The following CACNA2D3 variants were observed in gnomAD, a reference collection of about 807,000 sequenced individuals.
CACNA2D3 encodes the protein calcium voltage-gated channel auxiliary subunit alpha2delta 3, also known as voltage-dependent calcium channel subunit alpha-2/delta-3.
CACNA2D3 carries 60 observed loss-of-function variants against 160.6 expected under a neutral mutation model. The ratio of observed to expected loss-of-function variants is 0.37; its 90% CI spans 0.30 to 0.46. CACNA2D3 has a LOEUF of 0.46. Among genes scored for constraint, CACNA2D3 ranks in the 20% least tolerant of loss-of-function variants. The probability of loss-of-function intolerance (pLI) is 1.00; values close to 1 mark genes in which losing one functional copy is unlikely to be tolerated. For missense variants in CACNA2D3, 1,205 were observed against 1,365.0 expected, an observed-to-expected ratio of 0.88 and a Z score of 1.85; for synonymous variants, 558 against 492.9, an observed-to-expected ratio of 1.13 and a Z score of -1.75.
chr3:54,169,070 G>T (rs1475641566), intron 2 of CACNA2D3, among the ~76,000 whole-genome samples: 1 of 152,248 alleles, frequency 6.6e-6, no homozygotes, highest in African/African-American at 2.4e-5. Flanking sequence ...GCAGGGAAAT[G>T]TTGCTTATCC....
intron 2 of CACNA2D3, among the ~76,000 whole-genome samples, chr3:54,211,153 AAT>A (rs1226656097): frequency 6.6e-6 from 1 of 151,350 alleles, no homozygotes; most frequent in Non-Finnish European, 1.5e-5. Context: ...AGCTACTACT[AAT>A]ATATATTCTT....
intron 14 of CACNA2D3, among the ~76,000 whole-genome samples, chr3:54,822,118 A>C (rs2106725429): frequency 6.6e-6 from 1 of 152,100 alleles, no homozygotes; most frequent in East Asian, 1.9e-4. Flanking sequence ...TGTTTTGAAA[A>C]CCCTATTTTT....
intron 3 of CACNA2D3, among the ~76,000 whole-genome samples, chr3:54,367,386 T>C (rs574470229): frequency 5.3e-5 from 8 of 152,314 alleles, no homozygotes; most frequent in African/African-American, 1.7e-4. Context: ...TAAATGTCCC[T>C]GTCTTGTTTC....
At chr3:54,767,171 TAAAC>T (rs560821612) in intron 13 of CACNA2D3, among the ~76,000 whole-genome samples, 87 of 152,030 alleles carry the variant, frequency 5.7e-4, no homozygotes, top group Non-Finnish European at 1.1e-3. Flanking sequence ...ATTCAAAAAT[TAAAC>T]AAGATTGGGG....
intron 11 of CACNA2D3, among the ~76,000 whole-genome samples, chr3:54,750,860 C>T (rs939673946): frequency 6.6e-6 from 1 of 151,814 alleles, no homozygotes; most frequent in African/African-American, 2.4e-5. Context: ...ACCTCCGCCT[C>T]CCAGGTTCAA....
intron 4 of CACNA2D3, among the ~76,000 whole-genome samples, chr3:54,463,583 G>A (rs1195919259): frequency 6.7e-6 from 1 of 150,284 alleles, no homozygotes; most frequent in Admixed American, 6.7e-5. Flanking sequence ...TGAGGCTTCT[G>A]CATTCTTCAC....
At chr3:55,038,863 G>GAT (rs1703891257) in intron 35 of CACNA2D3, among the ~76,000 whole-genome samples, 2 of 61,436 alleles carry the variant, frequency 3.3e-5, no homozygotes, top group Non-Finnish European at 6.8e-5. Flanking sequence ...TAGCCAGGAT[G>GAT]CTATATATAT....
intron 11 of CACNA2D3, among the ~76,000 whole-genome samples, chr3:54,668,084 A>G (rs1700100402): frequency 6.6e-6 from 1 of 152,226 alleles, no homozygotes; most frequent in Non-Finnish European, 1.5e-5. Flanking sequence ...GCTGTGTTTA[A>G]GAAAAACTAT....
intron 4 of CACNA2D3, among the ~76,000 whole-genome samples, chr3:54,407,778 T>G (rs1014228144): frequency 2.0e-5 from 3 of 152,198 alleles, no homozygotes; most frequent in Non-Finnish European, 4.4e-5. Flanking sequence ...GAACCTTAGC[T>G]TGATCCAATA....
intron 11 of CACNA2D3, among the ~76,000 whole-genome samples, chr3:54,650,060 G>A (rs1699730346): frequency 6.6e-6 from 1 of 152,102 alleles, no homozygotes; most frequent in Non-Finnish European, 1.5e-5. Flanking sequence ...ACCTGGTTGT[G>A]TTTTGAGCCA....
intron 12 of CACNA2D3, among the ~76,000 whole-genome samples, chr3:54,758,068 G>T (rs1326313986): frequency 1.3e-5 from 2 of 152,296 alleles, no homozygotes; most frequent in Admixed American, 1.3e-4. Context: ...TTTATGCCCA[G>T]CCTGTATGTT....
At chr3:54,296,993 C>T (rs765300136) in intron 2 of CACNA2D3, among the ~76,000 whole-genome samples, 7 of 152,150 alleles carry the variant, frequency 4.6e-5, no homozygotes, top group Non-Finnish European at 8.8e-5. Flanking sequence ...TCCTCCACTT[C>T]CTACCTAGCG....
At chr3:54,449,931 A>G (rs763560384) in intron 4 of CACNA2D3, among the ~76,000 whole-genome samples, 5 of 152,240 alleles carry the variant, frequency 3.3e-5, no homozygotes, top group Non-Finnish European at 5.9e-5. Context: ...TATGTCCACA[A>G]TCTCTACTAT....
At chr3:54,159,525 G>T (rs1409046249) in intron 2 of CACNA2D3, among the ~76,000 whole-genome samples, 1 of 152,158 alleles carries the variant, frequency 6.6e-6, no homozygotes, top group Admixed American at 6.5e-5. Flanking sequence ...AGAAGAGGGG[G>T]TAAATCAAGA....
At chr3:55,066,082 ATG>A (rs1228117730) in intron 35 of CACNA2D3, among the ~76,000 whole-genome samples, 2 of 152,162 alleles carry the variant, frequency 1.3e-5, no homozygotes, top group Non-Finnish European at 2.9e-5. Flanking sequence ...CTCTCAACTT[ATG>A]GGCCCAGGTC....
chr3:54,685,641 G>A (rs1339177311), intron 11 of CACNA2D3, among the ~76,000 whole-genome samples: 3 of 152,176 alleles, frequency 2.0e-5, no homozygotes, highest in Non-Finnish European at 4.4e-5. Context: ...GTCTCATCTG[G>A]GAAAATAATA....
At chr3:54,348,781 G>A (rs939253325) in intron 3 of CACNA2D3, among the ~76,000 whole-genome samples, 2 of 152,038 alleles carry the variant, frequency 1.3e-5, no homozygotes, top group East Asian at 3.9e-4. Context: ...CAGGCTGGAG[G>A]GCTGTGGCAC....
rs1704906234 is a variant in CACNA2D3, at chr3:55,074,401, T to G, written c.*195T>G. ...TGACAAAAAGTTATCTATCATCTTT[T>G]TACTTTGCCAGTCATGCAAATGTGA... On this transcript the variant is annotated 3_prime_UTR_variant, in exon 38 of 38. Coordinates refer to ENST00000474759, the MANE Select transcript of CACNA2D3 (RefSeq NM_018398.3). The G allele has an allele frequency of 5.3e-6, 3 of 570,002 alleles. No homozygotes were observed. The highest frequency in any genetic ancestry group is 4.3e-5 in the South Asian group (2 of 46,630). The allele number at this position is 570,002 out of a possible 1,614,324, so 35.3% of individuals were successfully genotyped here. A position where few individuals can be genotyped will look rare whatever the true frequency, so the allele number is the denominator to read the frequency against.
In CACNA2D3 at chr3:54,386,696, T is replaced by TTTTG; in HGVS notation, c.322-16_322-15insGTTT. 1.6e-6 allele frequency: 1 copy of TTTTG among 606,318 alleles called. No homozygotes were observed. Among genetic ancestry groups the TTTTG allele is most frequent in the Non-Finnish European group, 2.3e-6 (1 of 439,272 alleles). 37.6% of individuals were successfully genotyped at this position (606,318 alleles called of 1,614,324 possible). A position where few individuals can be genotyped will look rare whatever the true frequency, so the allele number is the denominator to read the frequency against. On this transcript the variant is annotated intron_variant, in intron 3 of 37. Coordinates refer to ENST00000474759, the MANE Select transcript of CACNA2D3 (RefSeq NM_018398.3). ...TCTGATCCTTAATGCTGTCTTCTGT[T>TTTTG]TTTTTTTTTTTTTTTTAGCGTCTGG...
Sources: allele counts gnomAD v4.1 joint callset (sites outside exome capture counted in the v4.1 genomes callset), GRCh38; gene constraint gnomAD v4.1.1; transcripts MANE v1.5; gene names NCBI Gene and HGNC (gene_info 2026-07-23, HGNC 2026-07-21).